ATP9B: variants seen among roughly 807,000 people sequenced by gnomAD.
The protein encoded by ATP9B is probable phospholipid-transporting ATPase IIB.
ATP9B carries 110 observed loss-of-function variants against 146.1 expected under a neutral mutation model. The observed-to-expected ratio is 0.75, with a 90% CI of 0.65 to 0.88. The LOEUF is 0.88. ATP9B is among the 40% of genes least tolerant of loss of function. The probability of loss-of-function intolerance (pLI) is 0.00; values close to 1 mark genes in which losing one functional copy is unlikely to be tolerated. For synonymous variants in ATP9B, 604 were observed against 569.7 expected, an observed-to-expected ratio of 1.06 and a Z score of -0.86; for missense variants, 1,499 against 1,496.4, an observed-to-expected ratio of 1.00 and a Z score of -0.03.
chr18:79,167,306 A>G (rs545671773), intron 7 of ATP9B, among the ~76,000 whole-genome samples: 113 of 152,300 alleles, frequency 7.4e-4, no homozygotes, highest in Non-Finnish European at 9.3e-4. Flanking sequence ...CTAGAGGGTA[A>G]GCAAGGCAAA....
chr18:79,234,746 A>G (rs1003518560), intron 11 of ATP9B, among the ~76,000 whole-genome samples: 1 of 152,038 alleles, frequency 6.6e-6, no homozygotes, highest in Admixed American at 6.5e-5. Flanking sequence ...GGTTTCGACC[A>G]TGGGTTTGTG....
intron 11 of ATP9B, 68 bp downstream of exon 11, chr18:79,214,106 G>A (rs1215009700): frequency 9.2e-7 from 1 of 1,087,434 alleles, no homozygotes; most frequent in Admixed American, 2.8e-5. Context: ...AGTCTGCATA[G>A]TTCTGAATAG....
chr18:79,281,603 G>T (rs115425383), intron 13 of ATP9B, among the ~76,000 whole-genome samples: 14 of 152,296 alleles, frequency 9.2e-5, no homozygotes, highest in African/African-American at 3.4e-4. Flanking sequence ...GAATGACAAT[G>T]TTTTATAACC....
chr18:79,322,392 C>G (rs1249698971), intron 15 of ATP9B, among the ~76,000 whole-genome samples: 1 of 152,206 alleles, frequency 6.6e-6, no homozygotes, highest in Non-Finnish European at 1.5e-5. Context: ...GGCACACCAT[C>G]CCAAATGTGG....
intron 9 of ATP9B, among the ~76,000 whole-genome samples, chr18:79,200,268 C>G (rs2095456252): frequency 6.6e-6 from 1 of 152,156 alleles, no homozygotes. Context: ...CATCCACTGT[C>G]TACTGAAATG....
At position 79,253,625 on chromosome 18, in the gene ATP9B, A is replaced by T. The variant is rs568163214; in HGVS notation, c.1268+84A>T. On this transcript the variant is annotated intron_variant, in intron 12 of 29. Coordinates refer to ENST00000426216, the MANE Select transcript of ATP9B (RefSeq NM_198531.5). ...AATTTATCTTTCTCAGTATGAAAGA[A>T]ATTACCCAAACAAAGCTAGAGAAGT... 4.9e-5 allele frequency: 67 copies of T among 1,368,974 alleles called. No individual in the cohort carries two copies. The East Asian group carries it at 1.6e-3, about 32-fold the overall frequency. The allele number at this position is 1,368,974 out of a possible 1,614,324, so 84.8% of individuals were successfully genotyped here.
chr18:79,221,872 ATTT>A lies in ATP9B; in HGVS notation c.1107+7848_1107+7850del, dbSNP rs11296944. ...TAACATCCCCAAACTTCTTTGGCCA[ATTT>A]TTTTTTTTTTTTTGCCTTTATTTTG... On this transcript the variant is annotated intron_variant, in intron 11 of 29. Coordinates refer to ENST00000426216, the MANE Select transcript of ATP9B (RefSeq NM_198531.5). 3.1e-3 allele frequency among the ~76,000 whole-genome samples: 326 copies of A among 105,838 alleles called. 1 individual carries two copies. The highest frequency in any genetic ancestry group is 9.4e-3 in the South Asian group (28 of 2,978). 69.4% of individuals were successfully genotyped at this position (105,838 alleles called of 152,430 possible).
At chr18:79,349,904 C>A (rs561558927) in intron 25 of ATP9B, among the ~76,000 whole-genome samples, 5,143 of 150,686 alleles carry the variant, frequency 0.034, 334 homozygotes, top group African/African-American at 0.12. Flanking sequence ...ACCCCCCCCC[C>A]CACCATGCAC....
chr18:79,192,568 C>T (rs2095378077), intron 8 of ATP9B, among the ~76,000 whole-genome samples: 1 of 152,186 alleles, frequency 6.6e-6, no homozygotes. Context: ...ATGAAGCAAC[C>T]TAAACCCTAT....
At chr18:79,070,905 T>C (rs557146920) in intron 1 of ATP9B, among the ~76,000 whole-genome samples, 1 of 152,322 alleles carries the variant, frequency 6.6e-6, no homozygotes, top group South Asian at 2.1e-4. Flanking sequence ...TTGGATCTTA[T>C]ATTTTTTATC....
chr18:79,288,336 T>C (rs2096465486), intron 13 of ATP9B, among the ~76,000 whole-genome samples: 1 of 152,152 alleles, frequency 6.6e-6, no homozygotes, highest in South Asian at 2.1e-4. Flanking sequence ...GATAGTTAGC[T>C]CTTCTTGTTG....
chr18:79,345,735 G>A (rs756606449), intron 22 of ATP9B, 40 bp from the exon 23 acceptor site: 2 of 1,612,990 alleles, frequency 1.2e-6, no homozygotes, highest in Non-Finnish European at 1.7e-6. Flanking sequence ...ACGTGATGAT[G>A]GATAAGGTTT....
Position 79,367,198 on chromosome 18 carries a change from T to TCCACC in ATP9B, c.3013-5627_3013-5626insCCACC, listed in dbSNP as rs56827636. ...CACACAGATACCTTCACCTCCACCG[T>TCCACC]GTGTATGCAGAGAAAGTGCCTCCTC... On this transcript the variant is annotated intron_variant, in intron 26 of 29. Coordinates refer to ENST00000426216, the MANE Select transcript of ATP9B (RefSeq NM_198531.5). Among the ~76,000 whole-genome samples the TCCACC allele has an allele frequency of 2.6e-3, 204 of 79,660 alleles. 6 individuals are homozygous for TCCACC. The highest frequency in any genetic ancestry group is 4.5e-3 in the East Asian group (9 of 1,992). 52.3% of individuals were successfully genotyped at this position (79,660 alleles called of 152,430 possible).
At chr18:79,084,520 A>G (rs1480158685) in intron 1 of ATP9B, among the ~76,000 whole-genome samples, 2 of 151,778 alleles carry the variant, frequency 1.3e-5, no homozygotes, top group East Asian at 3.9e-4. Flanking sequence ...AGTGTGTGCT[A>G]TATAATAGAG....
At chr18:79,293,368 GGC>G (rs752180112) in intron 13 of ATP9B, among the ~76,000 whole-genome samples, 1 of 152,104 alleles carries the variant, frequency 6.6e-6, no homozygotes, top group Non-Finnish European at 1.5e-5. Flanking sequence ...GCCGTTAAGA[GGC>G]AAGTGGGTCA....
chr18:79,152,594 A>G (rs896902812), intron 6 of ATP9B, among the ~76,000 whole-genome samples: 16 of 152,202 alleles, frequency 1.1e-4, no homozygotes, highest in African/African-American at 3.9e-4. Context: ...AGTCATGAAA[A>G]TATTCTTGTC....
intron 9 of ATP9B, among the ~76,000 whole-genome samples, chr18:79,203,377 A>C (rs1249992189): frequency 6.6e-6 from 1 of 152,142 alleles, no homozygotes; most frequent in Non-Finnish European, 1.5e-5. Context: ...GGAGGCTTAG[A>C]GTAACAGCAG....
chr18:79,355,604 C>T (rs186285873), intron 25 of ATP9B, among the ~76,000 whole-genome samples: 56 of 152,220 alleles, frequency 3.7e-4, no homozygotes, highest in African/African-American at 1.1e-3. Context: ...GCCTCAGGGA[C>T]AGCAAGATGG....
In ATP9B at chr18:79,180,038, T is replaced by G. The variant is rs1377139813; in HGVS notation, c.873+3131T>G. On this transcript the variant is annotated intron_variant, in intron 8 of 29. Coordinates refer to ENST00000426216, the MANE Select transcript of ATP9B (RefSeq NM_198531.5). ...TTTCATTATTCCTGGTAATATTCTT[T>G]GTTGAGACATCTATTTTGTTCTTTA... Among the ~76,000 whole-genome samples the G allele has an allele frequency of 3.9e-5, 6 of 152,244 alleles. No individual in the cohort carries two copies. In the East Asian group the frequency reaches 1.2e-3, roughly 29 times the overall value.
Sources: allele counts gnomAD v4.1 joint callset (sites outside exome capture counted in the v4.1 genomes callset), GRCh38; gene constraint gnomAD v4.1.1; transcripts MANE v1.5; gene names NCBI Gene and HGNC (gene_info 2026-07-23, HGNC 2026-07-21).